KCNIP4: variants seen among roughly 807,000 people sequenced by gnomAD.
KCNIP4 encodes the protein potassium voltage-gated channel interacting protein 4.
A neutral mutation model predicts 34.0 loss-of-function variants in KCNIP4; 12 were observed. That is an observed-to-expected ratio of 0.35 (90% CI 0.23 to 0.57). The LOEUF is 0.57. KCNIP4 is among the 20% of genes least tolerant of loss of function. The pLI, the probability that KCNIP4 is intolerant of heterozygous loss-of-function variation, is 0.83. For synonymous variants in KCNIP4, 124 were observed against 102.2 expected (o/e 1.21, Z -1.29); for missense variants, 238 against 311.7 (o/e 0.76, Z 1.78).
intron 1 of KCNIP4, among the ~76,000 whole-genome samples, chr4:21,677,612 C>T (rs1477428231): frequency 6.6e-6 from 1 of 152,224 alleles, no homozygotes; most frequent in Non-Finnish European, 1.5e-5. Flanking sequence ...CACTGGTATG[C>T]ATGCCAATGC....
At chr4:21,910,353 A>T (rs928093814) in intron 1 of KCNIP4, among the ~76,000 whole-genome samples, 1 of 152,138 alleles carries the variant, frequency 6.6e-6, no homozygotes, top group African/African-American at 2.4e-5. Flanking sequence ...AGCAAAACAT[A>T]CGAAAGTATT....
At position 21,752,652 on chromosome 4, in the gene KCNIP4, G is replaced by C. The variant is rs545351727; in HGVS notation, c.61+195919C>G. Among the ~76,000 whole-genome samples the C allele has an allele frequency of 2.6e-5, 4 of 152,270 alleles. No individual in the cohort carries two copies. In the East Asian group the frequency reaches 7.7e-4, roughly 29 times the overall value. On this transcript the variant is annotated intron_variant, in intron 1 of 8. Coordinates refer to ENST00000382152, the MANE Select transcript of KCNIP4 (RefSeq NM_025221.6). ...TCTTTCCTGGGAAGAAAAATTCTGA[G>C]GTCAGAGGGTTGGGACTGATATTTA... is the stretch of plus-strand genomic sequence containing the variant.
intron 3 of KCNIP4, among the ~76,000 whole-genome samples, chr4:20,845,917 C>T (rs1409701837): frequency 3.9e-5 from 6 of 152,136 alleles, no homozygotes; most frequent in Non-Finnish European, 8.8e-5. Flanking sequence ...TAACTGTGGC[C>T]TCATGAAACT....
chr4:20,874,287 G>A (rs1291021129), intron 2 of KCNIP4, among the ~76,000 whole-genome samples: 8 of 152,076 alleles, frequency 5.3e-5, no homozygotes, highest in East Asian at 1.9e-4. Context: ...GAGTTATCAC[G>A]TTCAACTTTT....
chr4:21,304,985 T>G (rs2109255088), intron 1 of KCNIP4, among the ~76,000 whole-genome samples: 1 of 150,718 alleles, frequency 6.6e-6, no homozygotes, highest in Admixed American at 6.6e-5. Flanking sequence ...AAAAAAAATC[T>G]GAAAAAAAGC....
At chr4:21,277,206 T>C (rs968134037) in intron 1 of KCNIP4, among the ~76,000 whole-genome samples, 1 of 151,948 alleles carries the variant, frequency 6.6e-6, no homozygotes, top group Non-Finnish European at 1.5e-5. Flanking sequence ...CTGATGAAAA[T>C]GACTAGATTT....
intron 1 of KCNIP4, among the ~76,000 whole-genome samples, chr4:21,776,949 G>A (rs1719220347): frequency 6.6e-6 from 1 of 152,020 alleles, no homozygotes; most frequent in Non-Finnish European, 1.5e-5. Context: ...TTCTAGTAGA[G>A]ACAAGGTTAG....
intron 1 of KCNIP4, among the ~76,000 whole-genome samples, chr4:21,309,224 A>G (rs1173533455): frequency 6.6e-6 from 1 of 152,162 alleles, no homozygotes; most frequent in Non-Finnish European, 1.5e-5. Flanking sequence ...AAGAAGAGAA[A>G]GGGGGCGAAC....
chr4:20,811,420 T>C (rs968265789), intron 3 of KCNIP4, among the ~76,000 whole-genome samples: 1 of 152,096 alleles, frequency 6.6e-6, no homozygotes. Context: ...GAGTGTGGCC[T>C]AGGAATTTCA....
chr4:21,173,406 C>A (rs1754159912), intron 1 of KCNIP4, among the ~76,000 whole-genome samples: 1 of 152,026 alleles, frequency 6.6e-6, no homozygotes, highest in Non-Finnish European at 1.5e-5. Flanking sequence ...GACCTGTCTC[C>A]CCACACAAAG....
In KCNIP4 at chr4:21,145,576, A is replaced by C. The variant is rs916845209; in HGVS notation, c.62-262867T>G. Among the ~76,000 whole-genome samples, 4 of 152,332 alleles carry C rather than the reference A, an allele frequency of 2.6e-5. No individual in the cohort carries two copies. In the South Asian group the frequency reaches 8.3e-4, roughly 32 times the overall value. On this transcript the variant is annotated intron_variant, in intron 1 of 8. Coordinates refer to ENST00000382152, the MANE Select transcript of KCNIP4 (RefSeq NM_025221.6). ...CTTTCAGAGTGCAACAGAGTCCTCC[A>C]ATATTTCCTGGGCACTGTGGTCTGT... is the stretch of plus-strand genomic sequence containing the variant.
intron 1 of KCNIP4, among the ~76,000 whole-genome samples, chr4:21,661,725 C>A (rs2108990998): frequency 6.6e-6 from 1 of 152,296 alleles, no homozygotes; most frequent in Non-Finnish European, 1.5e-5. Flanking sequence ...CCCCACCCTC[C>A]ACCCTCCATC....
At chr4:21,052,918 A>C (rs1416654365) in intron 1 of KCNIP4, among the ~76,000 whole-genome samples, 1 of 152,048 alleles carries the variant, frequency 6.6e-6, no homozygotes, top group East Asian at 1.9e-4. Context: ...TATGTGTATA[A>C]TAAGAGAGAG....
intron 1 of KCNIP4, among the ~76,000 whole-genome samples, chr4:21,664,203 C>T (rs555050688): frequency 3.0e-3 from 455 of 152,266 alleles, no homozygotes; most frequent in African/African-American, 0.01. Flanking sequence ...CCCACCTCAG[C>T]CTCCAAAAGT....
At chr4:20,730,167 A>ATCTGCAAGGAAAAGTACACTAT in intron 8 of KCNIP4, 38 bp from the exon 9 acceptor site, 1 of 1,583,460 alleles carries the variant, frequency 6.3e-7, no homozygotes. Flanking sequence ...AATTCAGCAT[A>ATCTGCAAGGAAAAGTACACTAT]TCTGCAAGGA....
intron 1 of KCNIP4, among the ~76,000 whole-genome samples, chr4:21,634,497 A>G (rs1745989136): frequency 6.6e-6 from 1 of 152,112 alleles, no homozygotes; most frequent in South Asian, 2.1e-4. Context: ...TCCTTTTCAC[A>G]TTTAGACTGT....
intron 1 of KCNIP4, among the ~76,000 whole-genome samples, chr4:21,624,543 T>G (rs756727973): frequency 1.1e-4 from 17 of 152,144 alleles, no homozygotes; most frequent in Non-Finnish European, 2.1e-4. Flanking sequence ...ATGTTGTCAG[T>G]TCAAAGTAGA....
chr4:21,766,357 G>T (rs1268459665), intron 1 of KCNIP4, among the ~76,000 whole-genome samples: 1 of 152,118 alleles, frequency 6.6e-6, no homozygotes, highest in African/African-American at 2.4e-5. Context: ...AAGGGTCAGA[G>T]AGTTCAAATA....
At chr4:21,152,114 A>G (rs549008342) in intron 1 of KCNIP4, among the ~76,000 whole-genome samples, 151 of 152,192 alleles carry the variant, frequency 9.9e-4, no homozygotes, top group Middle Eastern at 3.4e-3. Flanking sequence ...TTAGCCAGGC[A>G]TGGTGGCACA....
Sources: gnomAD v4.1 joint callset for allele counts (sites outside exome capture counted in the v4.1 genomes callset) on GRCh38, gnomAD v4.1.1 for gene constraint, MANE v1.5 for transcripts, NCBI Gene and HGNC (gene_info 2026-07-23, HGNC 2026-07-21) for gene names.